The following CNTLN variants were observed in gnomAD, a reference collection of about 807,000 sequenced individuals.
CNTLN encodes the protein centlein, centrosomal protein.
CNTLN carries 212 observed loss-of-function variants against 180.0 expected under a neutral mutation model. The observed-to-expected ratio is 1.18, with a 90% confidence interval of 1.05 to 1.32. The LOEUF is 1.32. Ranked by LOEUF, CNTLN falls within the 40% of genes most tolerant of loss-of-function variation. The pLI is 0.00. For missense variants in CNTLN, 2,095 were observed against 1,610.9 expected (o/e 1.30, Z -5.14); for synonymous variants, 722 against 563.1 (o/e 1.28, Z -3.99).
rs996916046 is a variant in CNTLN at position 17,136,937 on chromosome 9, T to C, written c.360+1512T>C. Reference sequence around the variant, plus strand: ...CTAATCTAAGACACTCTTTGGCATATTTTCCGCACTCTTTCCTCCCACTTC... The same window carrying C: ...CTAATCTAAGACACTCTTTGGCATACTTTCCGCACTCTTTCCTCCCACTTC... On this transcript the variant is annotated intron_variant, in intron 1 of 25. Coordinates refer to ENST00000380647, the MANE Select transcript of CNTLN (RefSeq NM_017738.4). Among the ~76,000 whole-genome samples, 5 of 151,664 alleles carry C rather than the reference T, an allele frequency of 3.3e-5. No homozygotes were observed. In the East Asian group the frequency reaches 9.8e-4, roughly 30 times the overall value.
At chr9:17,526,727 A>G in the CNTLN span, among the ~76,000 whole-genome samples, 1 of 133,220 alleles carries the variant, frequency 7.5e-6, no homozygotes, top group East Asian at 2.7e-4. Context: ...TAAGAACAAT[A>G]GTAAAACATG....
intron 2 of CNTLN, among the ~76,000 whole-genome samples, chr9:17,172,232 CAG>C (rs1820466723): frequency 1.3e-5 from 2 of 152,074 alleles, no homozygotes; most frequent in Non-Finnish European, 2.9e-5. Flanking sequence ...AGACAAAATG[CAG>C]AGAGTCTGTG....
intron 5 of CNTLN, among the ~76,000 whole-genome samples, chr9:17,268,821 G>T (rs1313031989): frequency 1.3e-5 from 2 of 151,746 alleles, no homozygotes; most frequent in Non-Finnish European, 2.9e-5. Context: ...GAGACTCTGT[G>T]GGCGTAGGAC....
intron 8 of CNTLN, among the ~76,000 whole-genome samples, chr9:17,317,693 A>G (rs889604319): frequency 6.6e-6 from 1 of 152,204 alleles, no homozygotes; most frequent in African/African-American, 2.4e-5. Flanking sequence ...GACATTAGAA[A>G]AGAAATATAG....
chr9:17,274,951 T>G (rs1053266739), intron 6 of CNTLN, among the ~76,000 whole-genome samples: 3 of 152,108 alleles, frequency 2.0e-5, no homozygotes, highest in South Asian at 2.1e-4. Context: ...CATTAACAGA[T>G]TCCTTGTATC....
chr9:17,198,854 T>G (rs934460829), intron 2 of CNTLN, among the ~76,000 whole-genome samples: 4 of 152,178 alleles, frequency 2.6e-5, no homozygotes, highest in Admixed American at 2.6e-4. Context: ...GCAAAGGACA[T>G]GAACTCATTC....
intron 15 of CNTLN, among the ~76,000 whole-genome samples, chr9:17,402,578 G>C (rs1476669555): frequency 6.6e-6 from 1 of 151,754 alleles, no homozygotes; most frequent in Non-Finnish European, 1.5e-5. Context: ...GTGAGCTTTG[G>C]ATAAAGCACA....
intron 18 of CNTLN, among the ~76,000 whole-genome samples, chr9:17,441,159 A>G (rs1014697588): frequency 6.6e-6 from 1 of 152,236 alleles, no homozygotes; most frequent in African/African-American, 2.4e-5. Flanking sequence ...TCCCAGACAA[A>G]CAAAAGTAGA....
intron 2 of CNTLN, among the ~76,000 whole-genome samples, chr9:17,169,172 A>T (rs934045783): frequency 2.6e-5 from 4 of 151,944 alleles, no homozygotes; most frequent in African/African-American, 9.7e-5. Context: ...CTAATTTTTT[A>T]AAAATTTTGT....
intron 8 of CNTLN, among the ~76,000 whole-genome samples, chr9:17,326,483 T>C (rs1820298729): frequency 6.6e-6 from 1 of 152,076 alleles, no homozygotes; most frequent in East Asian, 1.9e-4. Context: ...TATATGGAGA[T>C]CTATGATGAT....
chr9:17,268,698 A>T lies in CNTLN; in HGVS notation c.850-5035A>T, dbSNP rs867387963. 8.5e-5 allele frequency among the ~76,000 whole-genome samples: 13 copies of T among 152,164 alleles called. 1 individual carries two copies. Among genetic ancestry groups the T allele is most frequent in the Middle Eastern group, 3.4e-3 (1 of 294 alleles). ...CTGTGGTTGGGCTCCACCCAGTTCC[A>T]GCTTCAGGGCTGCTTTGTTTACCTA... On this transcript the variant is annotated intron_variant, in intron 5 of 25. Coordinates refer to ENST00000380647, the MANE Select transcript of CNTLN (RefSeq NM_017738.4).
chr9:17,225,311 G>A (rs1319527868), intron 2 of CNTLN, among the ~76,000 whole-genome samples: 1 of 152,044 alleles, frequency 6.6e-6, no homozygotes, highest in African/African-American at 2.4e-5. Flanking sequence ...AACCCCAGAA[G>A]TCAAGCTCCT....
rs559163727 is a variant in CNTLN at position 17,258,496 on chromosome 9, T to G, written c.850-15237T>G. Among the ~76,000 whole-genome samples the G allele has an allele frequency of 4.6e-3, 690 of 151,484 alleles. 5 individuals are homozygous for G. Among genetic ancestry groups the G allele is most frequent in the Non-Finnish European group, 8.2e-3 (559 of 68,024 alleles). On this transcript the variant is annotated intron_variant, in intron 5 of 25. Transcript: ENST00000380647. ...GGTTCCATATGAACTTTAAAGTAGT[T>G]TTTTCCAATTCTGTGAAGAAAGTCA... is the stretch of plus-strand genomic sequence containing the variant.
chr9:17,519,202 A>G, the CNTLN span, among the ~76,000 whole-genome samples: 1 of 149,836 alleles, frequency 6.7e-6, no homozygotes, highest in East Asian at 2.0e-4. Flanking sequence ...TGCTGGGATT[A>G]CCAGCGTGAA....
At chr9:17,362,197 G>C (rs906948931) in intron 12 of CNTLN, among the ~76,000 whole-genome samples, 1 of 152,186 alleles carries the variant, frequency 6.6e-6, no homozygotes, top group Non-Finnish European at 1.5e-5. Context: ...CTTCTGTTGG[G>C]TTAGTGATCT....
chr9:17,360,049 T>G (rs1564027733), intron 12 of CNTLN, among the ~76,000 whole-genome samples: 1 of 152,196 alleles, frequency 6.6e-6, no homozygotes, highest in Non-Finnish European at 1.5e-5. Context: ...ATTTCTTTTT[T>G]TCCAATTTAA....
intron 6 of CNTLN, among the ~76,000 whole-genome samples, chr9:17,296,677 A>G (rs779650973): frequency 1.3e-5 from 2 of 151,876 alleles, no homozygotes; most frequent in Non-Finnish European, 2.9e-5. Flanking sequence ...CTCCTCTTGT[A>G]TTACATTTCC....
chr9:17,444,665 C>G (rs1830300349), intron 18 of CNTLN, among the ~76,000 whole-genome samples: 1 of 152,120 alleles, frequency 6.6e-6, no homozygotes, highest in South Asian at 2.1e-4. Flanking sequence ...TACCCTCTTA[C>G]TAAAGATCTA....
Position 17,192,410 on chromosome 9 carries a change from T to C in CNTLN, c.450-33793T>C, listed in dbSNP as rs1418155570. ...CCTGCCACCGTGCCCGGCTAATTTT[T>C]GTATTTTTAGTAGAGATGGGGTTTC... On this transcript the variant is annotated intron_variant, in intron 2 of 25. Coordinates refer to ENST00000380647, the MANE Select transcript of CNTLN (RefSeq NM_017738.4). 3.3e-5 allele frequency among the ~76,000 whole-genome samples: 5 copies of C among 152,122 alleles called. No homozygotes were observed. In the East Asian group the frequency reaches 9.7e-4, roughly 29 times the overall value.
Sources: allele counts gnomAD v4.1 joint callset (sites outside exome capture counted in the v4.1 genomes callset), GRCh38; gene constraint gnomAD v4.1.1; transcripts MANE v1.5; gene names NCBI Gene and HGNC (gene_info 2026-07-23, HGNC 2026-07-21).